CACNA1G: variants seen among roughly 807,000 people sequenced by gnomAD.
CACNA1G encodes voltage-dependent T-type calcium channel subunit alpha-1G.
CACNA1G carries 67 observed loss-of-function variants against 219.4 expected under a neutral mutation model. The observed-to-expected ratio is 0.31, with a 90% CI of 0.25 to 0.37. The LOEUF (loss-of-function observed/expected upper bound fraction) is 0.37, where lower values mean the gene tolerates loss of function less well. CACNA1G is among the 10% of genes least tolerant of loss of function. The pLI is 1.00. For missense variants in CACNA1G, 2,380 were observed against 3,231.4 expected, an observed-to-expected ratio of 0.74 and a Z score of 6.39; for synonymous variants, 1,296 against 1,345.3, an observed-to-expected ratio of 0.96 and a Z score of 0.80.
chr17:50,591,490 C>T lies in CACNA1G; in HGVS notation c.2509C>T (p.Arg837Cys). 3.1e-6 allele frequency: 5 copies of T among 1,606,196 alleles called. No homozygotes were observed. The highest frequency in any genetic ancestry group is 3.4e-6 in the Non-Finnish European group (4 of 1,176,888). ...GGGLSVLRTF[R>C]LMRVLKLVRF... ...CGGCCTGTCGGTGCTGCGGACCTTCCGCCTGATGCGTGTGCTGAAGCTGGT... is the reference window on the plus strand; with the variant it reads ...CGGCCTGTCGGTGCTGCGGACCTTCTGCCTGATGCGTGTGCTGAAGCTGGT... Residue 837 changes from arginine (R) to cysteine (C), a missense_variant, in exon 11 of 38, where the codon CGC becomes TGC. Physicochemically the swap from Arg to Cys is radical, Grantham distance 180. Transcript: ENST00000359106.
Position 50,616,350 on chromosome 17 carries a change from G to C in CACNA1G, c.4987G>C (p.Val1663Leu), listed in dbSNP as rs1450618466. The change falls in exon 28 of 38, where the codon GTG (valine) becomes CTG (leucine). Residue 1663 changes from valine (V) to leucine (L), a missense_variant. Physicochemically the swap from Val to Leu is conservative, Grantham distance 32 (BLOSUM62 1). Coordinates refer to ENST00000359106, the MANE Select transcript of CACNA1G (RefSeq NM_018896.5). ...TGTCTTGGAGTCAGTTTTCAAACTT[G>C]TGGCCTTTGGTTTCCGTCGGTTCTT... ...IFVLESVFKL[V>L]AFGFRRFFQD... The C allele has an allele frequency of 2.5e-6, 4 of 1,613,562 alleles. No individual in the cohort carries two copies. Among genetic ancestry groups the C allele is most frequent in the Non-Finnish European group, 2.5e-6 (3 of 1,179,520 alleles).
At chr17:50,624,631 G>A (rs927070026) in intron 37 of CACNA1G, 102 bp downstream of exon 37, 1 of 1,181,726 alleles carries the variant, frequency 8.5e-7, no homozygotes. Flanking sequence ...AATATTTATT[G>A]TGTGCCAGTG....
At chr17:50,614,143 G>T (rs1350962611) in intron 26 of CACNA1G, among the ~76,000 whole-genome samples, 2 of 152,086 alleles carry the variant, frequency 1.3e-5, no homozygotes, top group African/African-American at 4.8e-5. Context: ...CCTCGGGTGG[G>T]GGCCCACCCC....
rs754549719 is a variant in CACNA1G, at chr17:50,571,837, C to T, written c.587-41C>T. ...CCGGGCCGTGGCAGTCAGCCTAGCC[C>T]GGCCAGCCTGGTGTCCCCAGCGTGG... On this transcript the variant is annotated intron_variant, in intron 4 of 37. Transcript: ENST00000359106. This position sits in a 1 kb window ranked among gnomAD's most constrained non-coding sequence, Gnocchi z 4.3. 5.6e-6 allele frequency: 9 copies of T among 1,607,104 alleles called. No individual in the cohort carries two copies. The highest frequency in any genetic ancestry group is 2.2e-5 in the South Asian group (2 of 91,006).
At position 50,621,283 on chromosome 17, in the gene CACNA1G, T is replaced by C. The variant is rs1352703182; in HGVS notation, c.5926-377T>C. Among the ~76,000 whole-genome samples, 2 of 151,370 alleles carry C rather than the reference T, an allele frequency of 1.3e-5. No individual in the cohort carries two copies. Among genetic ancestry groups the C allele is most frequent in the African/African-American group, 4.9e-5 (2 of 41,140 alleles). ...TTCTTCATTTTTTTTTTTTTTGGTA[T>C]CATCTTTTTGAGAGTCGCAAGCCCT... On this transcript the variant is annotated intron_variant, in intron 34 of 37. Coordinates refer to ENST00000359106, the MANE Select transcript of CACNA1G (RefSeq NM_018896.5). The surrounding 1 kb of genome is among the most constrained non-coding windows in gnomAD (Gnocchi z 4.6).
At chr17:50,585,643 G>A (rs9904093) in intron 9 of CACNA1G, among the ~76,000 whole-genome samples, 12,805 of 152,092 alleles carry the variant, frequency 0.084, 590 homozygotes, top group Non-Finnish European at 0.1. Context: ...GGGCAGGAGG[G>A]CACAGGAGGG....
At chr17:50,625,606 G>T (rs953490724) in intron 37 of CACNA1G, among the ~76,000 whole-genome samples, 2 of 152,176 alleles carry the variant, frequency 1.3e-5, no homozygotes, top group African/African-American at 4.8e-5. Context: ...ACCTGAGTCC[G>T]TAAAATCGAG....
chr17:50,585,407 T>C (rs1055144600), intron 9 of CACNA1G, among the ~76,000 whole-genome samples: 5 of 152,174 alleles, frequency 3.3e-5, no homozygotes, highest in African/African-American at 1.2e-4. Flanking sequence ...CTTGTGTGTT[T>C]ACTTTTGAGG....
Position 50,561,185 on chromosome 17 carries a change from G to A in CACNA1G, c.-275G>A, listed in dbSNP as rs1410291519. 7.1e-6 allele frequency: 4 copies of A among 564,296 alleles called. No homozygotes were observed. Among genetic ancestry groups the A allele is most frequent in the South Asian group, 1.7e-5 (1 of 57,230 alleles). The allele number at this position is 564,296 out of a possible 1,614,324, so 35.0% of individuals were successfully genotyped here. On this transcript the variant is annotated 5_prime_UTR_variant, in exon 1 of 38. Transcript: ENST00000359106. Reference sequence around the variant, plus strand: ...AAGCGAAGAAGCCGGAACAAAGTGAGGGGGAGCCGGCCGGCTGGCCCGGGA... The same window carrying A: ...AAGCGAAGAAGCCGGAACAAAGTGAAGGGGAGCCGGCCGGCTGGCCCGGGA...
At chr17:50,585,700 A>G (rs900056090) in intron 9 of CACNA1G, among the ~76,000 whole-genome samples, 3 of 152,146 alleles carry the variant, frequency 2.0e-5, no homozygotes, top group Admixed American at 6.5e-5. Context: ...GACCAGGACC[A>G]TGATCTACAT....
chr17:50,562,388 C>G (rs1045667093), intron 1 of CACNA1G, among the ~76,000 whole-genome samples: 3 of 152,104 alleles, frequency 2.0e-5, no homozygotes, highest in Admixed American at 2.0e-4. Context: ...ATGTCAGGGG[C>G]GCAGAATGAG....
intron 37 of CACNA1G, among the ~76,000 whole-genome samples, chr17:50,624,955 CTTT>C (rs3986415): frequency 3.4e-5 from 4 of 117,544 alleles, no homozygotes; most frequent in African/African-American, 1.0e-4. Context: ...AGCCCAGATT[CTTT>C]TTTTTTTTTT....
intron 16 of CACNA1G, among the ~76,000 whole-genome samples, chr17:50,599,116 A>G (rs1352279475): frequency 6.6e-6 from 1 of 151,976 alleles, no homozygotes; most frequent in Non-Finnish European, 1.5e-5. Context: ...GTGTTTCTTC[A>G]CCCCATTATA....
In CACNA1G at chr17:50,576,257, C is replaced by T; in HGVS notation, c.1855C>T (p.Leu619Phe). 1.3e-6 allele frequency: 2 copies of T among 1,592,574 alleles called. No homozygotes were observed. The highest frequency in any genetic ancestry group is 1.7e-6 in the Non-Finnish European group (2 of 1,170,422). ...GGCTGCCAGCTCTGGGCCCCCAACC[C>T]TCACCAGCCTCAACATCCCACCCGG... Reference protein sequence around the residue: ...EVAASSGPPTLTSLNIPPGPY... With the variant: ...EVAASSGPPTFTSLNIPPGPY... The change falls in exon 8 of 38, where the codon CTC (leucine) becomes TTC (phenylalanine). Residue 619 changes from leucine (L) to phenylalanine (F), a missense_variant. Around this residue, in one of 17 missense-constraint regions of CACNA1G, gnomAD observed 434 missense variants for 417.3 expected, o/e 1.04. Transcript: ENST00000359106.
In CACNA1G at chr17:50,618,526, C is replaced by A; in HGVS notation, c.5428-129C>A. The A allele has an allele frequency of 1.9e-6, 2 of 1,032,330 alleles. No individual in the cohort carries two copies. The highest frequency in any genetic ancestry group is 1.4e-6 in the Non-Finnish European group (1 of 693,134). The allele number at this position is 1,032,330 out of a possible 1,614,324, so 63.9% of individuals were successfully genotyped here. The stretch of plus-strand genomic sequence containing the variant: ...CTCACACTTGTAGTGCTCCTCTGCC[C>A]CCAAACACTCCCTCCTCCTCCCCTT... On this transcript the variant is annotated intron_variant, in intron 32 of 37. Transcript: ENST00000359106. The surrounding 1 kb of genome is among the most constrained non-coding windows in gnomAD (Gnocchi z 5.3).
chr17:50,626,338 C>A lies in CACNA1G; in HGVS notation c.6721C>A (p.Arg2241=). 1 of 1,613,194 alleles carries A rather than the reference C, an allele frequency of 6.2e-7. No homozygotes were observed. Among genetic ancestry groups the A allele is most frequent in the Non-Finnish European group, 8.5e-7 (1 of 1,179,852 alleles). Residue 2241 remains arginine (R), a synonymous_variant, in exon 38 of 38, where the codon CGG becomes AGG. Transcript: ENST00000359106. The surrounding 1 kb of genome is among the most constrained non-coding windows in gnomAD (Gnocchi z 4.3). ...PGGQEEPPSP[R]DLKKCYSVEA... ...CGGCCAGGAGGAGCCCCCATCCCCA[C>A]GGGACCTGAAGAAGTGCTACAGCGT...
At chr17:50,568,800 G>A (rs2038626106) in intron 1 of CACNA1G, 70 bp from the exon 2 acceptor site, 2 of 1,168,252 alleles carry the variant, frequency 1.7e-6, no homozygotes, top group South Asian at 1.2e-5. Flanking sequence ...CGAGGAGGAG[G>A]TGTTAGGGCG....
chr17:50,620,909 C>G (rs1165250337), intron 34 of CACNA1G, among the ~76,000 whole-genome samples: 2 of 152,206 alleles, frequency 1.3e-5, no homozygotes, highest in African/African-American at 4.8e-5. Flanking sequence ...TGATGGGGTT[C>G]TGGGAGGGAC....
At position 50,607,971 on chromosome 17, in the gene CACNA1G, C is replaced by T. The variant is rs1280758772; in HGVS notation, c.4657C>T (p.Arg1553Trp). The T allele has an allele frequency of 1.4e-5, 22 of 1,613,522 alleles. No individual in the cohort carries two copies. The highest frequency in any genetic ancestry group is 7.7e-5 in the South Asian group (7 of 91,002). Residue 1553 changes from arginine (R) to tryptophan (W), a missense_variant, in exon 25 of 38, where the codon CGG becomes TGG. Physicochemically the swap from Arg to Trp is moderately radical, Grantham distance 101. This residue lies in a region of CACNA1G where 58 missense variants were observed against 71.3 expected (regional missense o/e 0.81). Transcript: ENST00000359106. Reference protein sequence around the residue: ...CRQHQEEEEARRREEKRLRRL... With the variant: ...CRQHQEEEEAWRREEKRLRRL... ...GCAGCACCAGGAGGAAGAGGAGGCC[C>T]GGCGGCGGGAGGAGAAGCGCCTACG...
Sources: allele counts gnomAD v4.1 joint callset (sites outside exome capture counted in the v4.1 genomes callset), GRCh38; gene constraint gnomAD v4.1.1; regional missense constraint gnomAD v4.1.1; non-coding constraint Gnocchi (gnomAD v3.1); transcripts MANE v1.5; gene names NCBI Gene and HGNC (gene_info 2026-07-23, HGNC 2026-07-21).